The following ADAM11 variants were observed in gnomAD, a reference collection of about 807,000 sequenced individuals.
ADAM11 encodes ADAM metallopeptidase domain 11.
A neutral mutation model predicts 119.1 loss-of-function variants in ADAM11; 49 were observed. That is an observed-to-expected ratio of 0.41 (90% confidence interval 0.33 to 0.52). The LOEUF is 0.52. Among genes scored for constraint, ADAM11 ranks in the 20% least tolerant of loss-of-function variants. The pLI, the probability that ADAM11 is intolerant of heterozygous loss-of-function variation, is 0.20. For missense variants in ADAM11, 777 were observed against 1,047.5 expected, an observed-to-expected ratio of 0.74 and a Z score of 3.56; for synonymous variants, 364 against 408.0, an observed-to-expected ratio of 0.89 and a Z score of 1.30.
Position 44,772,941 on chromosome 17 carries a change from A to C in ADAM11, c.753+10A>C. ...CAACGACCACCAGCTGGTGAGTGCC[A>C]GGGCAGGGACAGGGCGTGACACTGG... On this transcript the variant is annotated intron_variant, in intron 9 of 26. Transcript: ENST00000200557. This position sits in a 1 kb window ranked among gnomAD's most constrained non-coding sequence, Gnocchi z 4.5. The C allele has an allele frequency of 6.2e-7, 1 of 1,614,106 alleles. No homozygotes were observed. Among genetic ancestry groups the C allele is most frequent in the Non-Finnish European group, 8.5e-7 (1 of 1,180,010 alleles).
chr17:44,764,823 C>A (rs993781855), intron 2 of ADAM11, among the ~76,000 whole-genome samples: 3 of 152,142 alleles, frequency 2.0e-5, no homozygotes, highest in African/African-American at 7.2e-5. Flanking sequence ...GGCAGAAGAG[C>A]CGATGGTCAA....
In ADAM11 at chr17:44,772,782, A is replaced by C; in HGVS notation, c.679-75A>C. The C allele has an allele frequency of 1.5e-6, 2 of 1,358,744 alleles. No homozygotes were observed. Among genetic ancestry groups the C allele is most frequent in the Non-Finnish European group, 2.1e-6 (2 of 958,780 alleles). 84.2% of individuals were successfully genotyped at this position (1,358,744 alleles called of 1,614,324 possible). A position where few individuals can be genotyped will look rare whatever the true frequency, so the allele number is the denominator to read the frequency against. On this transcript the variant is annotated intron_variant, in intron 8 of 26. Transcript: ENST00000200557. This position sits in a 1 kb window ranked among gnomAD's most constrained non-coding sequence, Gnocchi z 4.5. ...AGTCCAGACCCCCCCATCCCCACCG[A>C]GTCTGTTCCTGGCTTGGCCATGAGA...
Position 44,780,557 on chromosome 17 carries a change from G to T in ADAM11, c.*803G>T, listed in dbSNP as rs924392210. 1 of 64,820 alleles carries T rather than the reference G, an allele frequency of 1.5e-5. No individual in the cohort carries two copies. The highest frequency in any genetic ancestry group is 1.3e-4 in the South Asian group (1 of 7,622). 4.0% of individuals were successfully genotyped at this position (64,820 alleles called of 1,614,324 possible). On this transcript the variant is annotated 3_prime_UTR_variant, in exon 27 of 27. Transcript: ENST00000200557. ...CAGGACACATGGATTTTGGCAGGGC[G>T]GGGGGGGTTCTAGAAAATATAGTTC...
intron 4 of ADAM11, among the ~76,000 whole-genome samples, chr17:44,771,109 C>T (rs892391686): frequency 8.6e-5 from 13 of 151,192 alleles, no homozygotes; most frequent in Middle Eastern, 3.4e-3. Flanking sequence ...AGCGAAACTC[C>T]GTCTCAAAAA....
Position 44,760,353 on chromosome 17 carries a change from A to G in ADAM11, c.237+456A>G, listed in dbSNP as rs148915899. Among the ~76,000 whole-genome samples, 200 of 152,250 alleles carry G rather than the reference A, an allele frequency of 1.3e-3. 1 individual carries two copies. The highest frequency in any genetic ancestry group is 4.7e-3 in the African/African-American group (197 of 41,528). The stretch of plus-strand genomic sequence containing the variant: ...ACAACTTAGTGCTTGCTCCTGCCTC[A>G]GTTTCCACACAGTGCCCAGATAGGC... On this transcript the variant is annotated intron_variant, in intron 2 of 26. Coordinates refer to ENST00000200557, the MANE Select transcript of ADAM11 (RefSeq NM_002390.6).
Position 44,778,713 on chromosome 17 carries a change from A to AAAAAAAAAAAAAAAAAAAAG in ADAM11, c.2276+471_2276+472insAAAAAAAAAAAAAAAAAAAG, listed in dbSNP as rs71136047. 8.2e-4 allele frequency among the ~76,000 whole-genome samples: 66 copies of AAAAAAAAAAAAAAAAAAAAG among 80,448 alleles called. 13 individuals are homozygous for AAAAAAAAAAAAAAAAAAAAG. The highest frequency in any genetic ancestry group is 9.9e-4 in the African/African-American group (18 of 18,148). The allele number at this position is 80,448 out of a possible 152,430, so 52.8% of individuals were successfully genotyped here. ...CAAAAAAAAAAAAAAAAAAAAAAAA[A>AAAAAAAAAAAAAAAAAAAAG]GAAAGAAAGAGAGAAAGAAAAGAAA... On this transcript the variant is annotated intron_variant, in intron 25 of 26. Transcript: ENST00000200557.
intron 11 of ADAM11, among the ~76,000 whole-genome samples, chr17:44,774,020 G>A (rs2049563734): frequency 6.6e-6 from 1 of 152,220 alleles, no homozygotes; most frequent in South Asian, 2.1e-4. Context: ...GAACCCAGGA[G>A]GTGGAGATTG....
At position 44,775,069 on chromosome 17, in the gene ADAM11, G is replaced by T; in HGVS notation, c.1221-143G>T. On this transcript the variant is annotated intron_variant, in intron 14 of 26. Coordinates refer to ENST00000200557, the MANE Select transcript of ADAM11 (RefSeq NM_002390.6). The surrounding 1 kb of genome is among the most constrained non-coding windows in gnomAD (Gnocchi z 7.5). Reference sequence around the variant, plus strand: ...TGGGAGCGACAGGGACAGGCGGGAGGATTCTGGTGCAATCCCGGGGCAGAT... The same window carrying T: ...TGGGAGCGACAGGGACAGGCGGGAGTATTCTGGTGCAATCCCGGGGCAGAT... 1 of 771,964 alleles carries T rather than the reference G, an allele frequency of 1.3e-6. No individual in the cohort carries two copies. The highest frequency in any genetic ancestry group is 2.1e-6 in the Non-Finnish European group (1 of 472,896). The allele number at this position is 771,964 out of a possible 1,614,324, so 47.8% of individuals were successfully genotyped here.
In ADAM11 at chr17:44,772,344, GA is replaced by G; in HGVS notation, c.610+13del. On this transcript the variant is annotated intron_variant, in intron 7 of 26. Coordinates refer to ENST00000200557, the MANE Select transcript of ADAM11 (RefSeq NM_002390.6). This position sits in a 1 kb window ranked among gnomAD's most constrained non-coding sequence, Gnocchi z 4.5. ...GATGCAGGGAACCAGGTAAGGGAGG[GA>G]AGGGGGGGTGGGGAGGGGCCGGCTG... The G allele has an allele frequency of 2.0e-6, 2 of 1,024,816 alleles. No homozygotes were observed. 63.5% of individuals were successfully genotyped at this position (1,024,816 alleles called of 1,614,324 possible).
In ADAM11 at chr17:44,776,864, C is replaced by T. The variant is rs762653336; in HGVS notation, c.1618-35C>T. 11 of 1,613,846 alleles carry T rather than the reference C, an allele frequency of 6.8e-6. No individual in the cohort carries two copies. The Admixed American group carries it at 1.8e-4, about 27-fold the overall frequency. ...TGTCTCCACTCTGACCACTCAGCAT[C>T]TCCATCCCTTGCCTCTTAATTCTTG... On this transcript the variant is annotated intron_variant, in intron 19 of 26. Transcript: ENST00000200557. The surrounding 1 kb of genome is among the most constrained non-coding windows in gnomAD (Gnocchi z 5.2).
chr17:44,774,487 C>A lies in ADAM11; in HGVS notation c.1078-5C>A. 6.2e-7 allele frequency: 1 copy of A among 1,612,598 alleles called. No homozygotes were observed. Among genetic ancestry groups the A allele is most frequent in the Non-Finnish European group, 8.5e-7 (1 of 1,179,542 alleles). ...ACATCTGTGCCCCATCTTCCCCACC[C>A]CCAGTACGGCAACATGGGGGCGATG... On this transcript the variant is annotated splice_polypyrimidine_tract_variant and splice_region_variant and intron_variant, in intron 12 of 26. Coordinates refer to ENST00000200557, the MANE Select transcript of ADAM11 (RefSeq NM_002390.6).
In ADAM11 at chr17:44,777,380, G is replaced by GT. The variant is rs1281296472; in HGVS notation, c.1782-101dup. 54 of 1,525,030 alleles carry GT rather than the reference G, an allele frequency of 3.5e-5. No individual in the cohort carries two copies. The highest frequency in any genetic ancestry group is 4.4e-5 in the Non-Finnish European group (49 of 1,108,816). 94.5% of individuals were successfully genotyped at this position (1,525,030 alleles called of 1,614,324 possible). ...CCTGTCAGTCCCAATGGGCGGGCAC[G>GT]TGGCAAATGAGGTGGCAGGGTGCAG... On this transcript the variant is annotated intron_variant, in intron 21 of 26. Transcript: ENST00000200557. The surrounding 1 kb of genome is among the most constrained non-coding windows in gnomAD (Gnocchi z 5.1).
rs1375533600 is a variant in ADAM11, at chr17:44,775,496, A to G, written c.1392+31A>G. ...CGGTGGTGCGGGCGCCAGGTGGGGA[A>G]CCGGGATGCGGGGGTGGGCACGAGG... On this transcript the variant is annotated intron_variant, in intron 16 of 26. Coordinates refer to ENST00000200557, the MANE Select transcript of ADAM11 (RefSeq NM_002390.6). This position sits in a 1 kb window ranked among gnomAD's most constrained non-coding sequence, Gnocchi z 7.5. The G allele has an allele frequency of 6.3e-7, 1 of 1,594,456 alleles. No individual in the cohort carries two copies. Among genetic ancestry groups the G allele is most frequent in the Non-Finnish European group, 8.5e-7 (1 of 1,173,912 alleles).
Position 44,776,178 on chromosome 17 carries a change from G to C in ADAM11, c.1537G>C (p.Ala513Pro). The change falls in exon 18 of 27, where the codon GCG becomes CCG. Residue 513 changes from alanine (A) to proline (P), a missense_variant. This residue lies in a region of ADAM11 where 348 missense variants were observed against 486.7 expected (regional missense o/e 0.72). Coordinates refer to ENST00000200557, the MANE Select transcript of ADAM11 (RefSeq NM_002390.6). This position sits in a 1 kb window ranked among gnomAD's most constrained non-coding sequence, Gnocchi z 5.2. ...CREAVNECDI[A>P]ETCTGDSSQC... ...AGAGGCCGTGAACGAGTGCGACATC[G>C]CGGAGACCTGCACCGGGGACTCTAG... 1 of 1,613,508 alleles carries C rather than the reference G, an allele frequency of 6.2e-7. No individual in the cohort carries two copies. The highest frequency in any genetic ancestry group is 8.5e-7 in the Non-Finnish European group (1 of 1,179,932).
intron 4 of ADAM11, among the ~76,000 whole-genome samples, chr17:44,770,837 C>G (rs1369577122): frequency 6.6e-6 from 1 of 152,166 alleles, no homozygotes; most frequent in Non-Finnish European, 1.5e-5. Flanking sequence ...GGCTAAGAAC[C>G]CTTGCTGTAC....
Position 44,775,426 on chromosome 17 carries a change from C to T in ADAM11, c.1353C>T (p.Phe451=). 1 of 1,611,010 alleles carries T rather than the reference C, an allele frequency of 6.2e-7. No individual in the cohort carries two copies. ...ACCCCCCAGAGTGCGGGAACGGCTT[C>T]GTGGAGGCAGGGGAGGAGTGCGACT... The part of the protein sequence containing the change: ...LLDPPECGNG[F]VEAGEECDCG... The change falls in exon 16 of 27, where the codon TTC becomes TTT. Residue 451 remains phenylalanine, a synonymous_variant. Transcript: ENST00000200557. This position sits in a 1 kb window ranked among gnomAD's most constrained non-coding sequence, Gnocchi z 7.5.
At position 44,774,691 on chromosome 17, in the gene ADAM11, C is replaced by T; in HGVS notation, c.1169-7C>T. ...CCTCCCTCATATCCGCCTGGCTCAC[C>T]CCTCAGGGGACTGCAAGTGTCCAGA... is the stretch of plus-strand genomic sequence containing the variant. On this transcript the variant is annotated splice_polypyrimidine_tract_variant and splice_region_variant and intron_variant, in intron 13 of 26. Coordinates refer to ENST00000200557, the MANE Select transcript of ADAM11 (RefSeq NM_002390.6). The T allele has an allele frequency of 6.3e-7, 1 of 1,588,832 alleles. No homozygotes were observed. Among genetic ancestry groups the T allele is most frequent in the Non-Finnish European group, 8.6e-7 (1 of 1,168,790 alleles).
At position 44,776,667 on chromosome 17, in the gene ADAM11, C is replaced by T. The variant is rs2049605551; in HGVS notation, c.1567-78C>T. 3 of 1,548,642 alleles carry T rather than the reference C, an allele frequency of 1.9e-6. No individual in the cohort carries two copies. Among genetic ancestry groups the T allele is most frequent in the African/African-American group, 2.7e-5 (2 of 73,308 alleles). On this transcript the variant is annotated intron_variant, in intron 18 of 26. Transcript: ENST00000200557. This position sits in a 1 kb window ranked among gnomAD's most constrained non-coding sequence, Gnocchi z 5.2. ...AGCCCCCAATGGGGGGCACTTGGTACCCCAGCATTCCTCCCTGGGGCAGCC... is the reference window on the plus strand; with the variant it reads ...AGCCCCCAATGGGGGGCACTTGGTATCCCAGCATTCCTCCCTGGGGCAGCC...
intron 1 of ADAM11, chr17:44,759,493 T>C (rs1329356101): frequency 1.0e-5 from 13 of 1,246,280 alleles, no homozygotes; most frequent in Non-Finnish European, 1.3e-5. Context: ...TGCAGGTCTC[T>C]GCGGGTTTGG....
Sources: allele counts gnomAD v4.1 joint callset (sites outside exome capture counted in the v4.1 genomes callset), GRCh38; gene constraint gnomAD v4.1.1; regional missense constraint gnomAD v4.1.1; non-coding constraint Gnocchi (gnomAD v3.1); transcripts MANE v1.5; gene names NCBI Gene and HGNC (gene_info 2026-07-23, HGNC 2026-07-21).